Variants in PROM1 observed in about 807,000 individuals in gnomAD.
PROM1 encodes the protein prominin 1, also known as prominin-1.
A neutral mutation model predicts 116.9 loss-of-function variants in PROM1; 105 were observed. The observed-to-expected ratio is 0.90, with a 90% CI of 0.77 to 1.06. PROM1 has a LOEUF of 1.06. Among genes scored for constraint, PROM1 ranks in the 50% least tolerant of loss-of-function variants. PROM1 has a pLI of 0.00. For missense variants in PROM1, 1,122 were observed against 1,045.2 expected, an observed-to-expected ratio of 1.07 and a Z score of -1.01; for synonymous variants, 393 against 387.0, an observed-to-expected ratio of 1.02 and a Z score of -0.18.
chr4:15,977,971 T>C (rs376080761), intron 26 of PROM1, among the ~76,000 whole-genome samples: 5 of 152,340 alleles, frequency 3.3e-5, no homozygotes, highest in African/African-American at 9.6e-5. Context: ...AATTCATACA[T>C]TGACGTCATA....
At chr4:16,064,943 G>A (rs551443624) in intron 2 of PROM1, among the ~76,000 whole-genome samples, 2 of 152,274 alleles carry the variant, frequency 1.3e-5, no homozygotes, top group African/African-American at 4.8e-5. Flanking sequence ...TGTGGGATGG[G>A]TCCCAAGAAT....
In PROM1 at chr4:16,006,539, C is replaced by A; in HGVS notation, c.1453G>T (p.Val485Phe). The A allele has an allele frequency of 6.3e-7, 1 of 1,587,184 alleles. No homozygotes were observed. Among genetic ancestry groups the A allele is most frequent in the Non-Finnish European group, 8.6e-7 (1 of 1,167,502 alleles). The change falls in exon 13 of 28, where the codon GTT (valine) becomes TTT (phenylalanine). Residue 485 changes from valine (V) to phenylalanine (F), a missense_variant and splice_region_variant. Physicochemically the swap from Val to Phe is conservative, Grantham distance 50 (BLOSUM62 -1). Coordinates refer to ENST00000447510, the MANE Select transcript of PROM1 (RefSeq NM_006017.3). ...VSNTGGVFLMVGVGLSFLFCW... is the reference protein window; with the variant it reads ...VSNTGGVFLMFGVGLSFLFCW... ...TGACAGAGAGGAGCAGACACTCACACCATGAGGAAGACGCCTCCGGTGTTG... is the reference window on the plus strand; with the variant it reads ...TGACAGAGAGGAGCAGACACTCACAACATGAGGAAGACGCCTCCGGTGTTG...
intron 2 of PROM1, among the ~76,000 whole-genome samples, chr4:16,074,060 T>C (rs977106749): frequency 5.3e-5 from 8 of 152,186 alleles, no homozygotes; most frequent in African/African-American, 1.9e-4. Flanking sequence ...CTGAATTCTA[T>C]GCCTTTTATA....
intron 5 of PROM1, among the ~76,000 whole-genome samples, chr4:16,026,104 T>C (rs981545106): frequency 3.9e-5 from 6 of 152,202 alleles, no homozygotes; most frequent in South Asian, 4.1e-4. Flanking sequence ...ATGTGAAATA[T>C]ACTTCAAAAA....
intron 23 of PROM1, among the ~76,000 whole-genome samples, chr4:15,981,178 G>T (rs1053829149): frequency 1.3e-5 from 2 of 150,622 alleles, no homozygotes; most frequent in Non-Finnish European, 3.0e-5. Context: ...AGCCAGGATG[G>T]TCTGGATCCC....
intron 2 of PROM1, among the ~76,000 whole-genome samples, chr4:16,040,329 T>C (rs908260506): frequency 2.6e-5 from 4 of 152,202 alleles, no homozygotes; most frequent in African/African-American, 9.7e-5. Flanking sequence ...TTCTTCACAG[T>C]ACCTCGGGGG....
chr4:16,083,038 G>C (rs78635801), intron 1 of PROM1, among the ~76,000 whole-genome samples: 2,644 of 152,030 alleles, frequency 0.017, 48 homozygotes, highest in Non-Finnish European at 0.025. Flanking sequence ...AGCCAGGGGT[G>C]CATGCTTTCT....
intron 2 of PROM1, among the ~76,000 whole-genome samples, chr4:16,047,898 A>T (rs1736911967): frequency 6.6e-6 from 1 of 152,196 alleles, no homozygotes; most frequent in Admixed American, 6.5e-5. Flanking sequence ...GTCTCTGAGG[A>T]CAAGGATCTT....
At chr4:16,040,570 G>T (rs907134123) in intron 2 of PROM1, among the ~76,000 whole-genome samples, 1 of 152,190 alleles carries the variant, frequency 6.6e-6, no homozygotes, top group African/African-American at 2.4e-5. Flanking sequence ...TTGCAATTTG[G>T]GATCTTGATC....
intron 5 of PROM1, among the ~76,000 whole-genome samples, 176 bp downstream of exon 5, chr4:16,033,128 G>C (rs756699094): frequency 9.2e-5 from 14 of 152,046 alleles, no homozygotes; most frequent in Non-Finnish European, 1.8e-4. Flanking sequence ...TGATGATAAT[G>C]AGATCCTTTC....
At chr4:16,008,610 C>G (rs1314145112) in intron 12 of PROM1, among the ~76,000 whole-genome samples, 2 of 152,218 alleles carry the variant, frequency 1.3e-5, no homozygotes, top group Non-Finnish European at 2.9e-5. Flanking sequence ...CCAGAAACCA[C>G]TAATGACATC....
rs182093661 is a variant in PROM1, at chr4:15,983,690, G to A, written c.2373+573C>T. ...AGGCAGAGAGCACACAGTGAGATCT[G>A]GAATGGGGAGGCTCAGCCATGCAGA... On this transcript the variant is annotated intron_variant, in intron 23 of 27. Transcript: ENST00000447510. Among the ~76,000 whole-genome samples the A allele has an allele frequency of 4.3e-3, 652 of 152,298 alleles. 4 individuals carry two copies. The highest frequency in any genetic ancestry group is 7.4e-3 in the Non-Finnish European group (500 of 68,026).
At chr4:16,050,935 C>T (rs188321505) in intron 2 of PROM1, among the ~76,000 whole-genome samples, 1 of 152,268 alleles carries the variant, frequency 6.6e-6, no homozygotes, top group African/African-American at 2.4e-5. Flanking sequence ...TGACAAGATG[C>T]AATCCATGCT....
intron 2 of PROM1, among the ~76,000 whole-genome samples, chr4:16,059,267 G>A (rs6816314): frequency 0.023 from 3,575 of 152,154 alleles, 142 homozygotes; most frequent in African/African-American, 0.081. Flanking sequence ...TACCCTCTCC[G>A]AGCCTCCATT....
At position 15,998,359 on chromosome 4, in the gene PROM1, G is replaced by A. The variant is rs762507921; in HGVS notation, c.1682+26C>T. 19 of 1,547,048 alleles carry A rather than the reference G, an allele frequency of 1.2e-5. No individual in the cohort carries two copies. In the Admixed American group the frequency reaches 2.0e-4, roughly 16 times the overall value. On this transcript the variant is annotated intron_variant, in intron 15 of 27. Transcript: ENST00000447510. ...CCAGAAAAAGAACATCTTAAATAGC[G>A]AAATGTATAATGCAAATATTGATAC...
At chr4:15,998,105 G>T (rs1253258058) in intron 15 of PROM1, among the ~76,000 whole-genome samples, 1 of 152,164 alleles carries the variant, frequency 6.6e-6, no homozygotes, top group Non-Finnish European at 1.5e-5. Context: ...CTCTCATGGG[G>T]TCCCATTAGT....
At chr4:16,012,658 C>T (rs1727181073) in intron 11 of PROM1, among the ~76,000 whole-genome samples, 1 of 151,956 alleles carries the variant, frequency 6.6e-6, no homozygotes, top group Non-Finnish European at 1.5e-5. Flanking sequence ...ATCATGAGGT[C>T]AGGAGATCGA....
At chr4:16,061,375 T>C (rs1334670637) in intron 2 of PROM1, among the ~76,000 whole-genome samples, 1 of 152,242 alleles carries the variant, frequency 6.6e-6, no homozygotes, top group Non-Finnish European at 1.5e-5. Flanking sequence ...AAGAATCATG[T>C]GTACTATTTA....
chr4:16,079,148 G>C (rs976835328), intron 1 of PROM1, among the ~76,000 whole-genome samples: 4 of 152,134 alleles, frequency 2.6e-5, no homozygotes, highest in Non-Finnish European at 5.9e-5. Flanking sequence ...CAGCTGGAAG[G>C]ATTAAAGGCT....
Sources: allele counts gnomAD v4.1 joint callset (sites outside exome capture counted in the v4.1 genomes callset), GRCh38; gene constraint gnomAD v4.1.1; transcripts MANE v1.5; gene names NCBI Gene and HGNC (gene_info 2026-07-23, HGNC 2026-07-21).